The following IL1RAPL1 variants were observed in gnomAD, a reference collection of about 807,000 sequenced individuals.
The protein encoded by IL1RAPL1 is interleukin 1 receptor accessory protein like 1.
A neutral mutation model predicts 48.4 loss-of-function variants in IL1RAPL1; 3 were observed. The observed-to-expected ratio is 0.06, with a 90% confidence interval of 0.03 to 0.16. The LOEUF (loss-of-function observed/expected upper bound fraction) is 0.16, where lower values mean the gene tolerates loss of function less well. IL1RAPL1 is among the 10% of genes least tolerant of loss of function. The probability of loss-of-function intolerance (pLI) is 1.00; values close to 1 mark genes in which losing one functional copy is unlikely to be tolerated. For missense variants in IL1RAPL1, 349 were observed against 530.6 expected (o/e 0.66, Z 3.36); for synonymous variants, 185 against 187.7 (o/e 0.99, Z 0.12).
intron 2 of IL1RAPL1, among the ~76,000 whole-genome samples, chrX:29,010,226 A>G (rs2147394486): frequency 8.9e-6 from 1 of 111,866 alleles, no homozygotes; most frequent in South Asian, 3.7e-4. Context: ...TCCTATTTGA[A>G]TGCCTTTATT....
chrX:29,910,538 AATTT>A (rs1184092426), intron 6 of IL1RAPL1, among the ~76,000 whole-genome samples: 2 of 111,272 alleles, frequency 1.8e-5, no homozygotes, highest in East Asian at 2.8e-4. Flanking sequence ...AGCCTACAAT[AATTT>A]ATTTAGTTCC....
At chrX:29,370,682 A>G (rs1440726658) in intron 3 of IL1RAPL1, among the ~76,000 whole-genome samples, 1 of 110,565 alleles carries the variant, frequency 9.0e-6, no homozygotes, top group Non-Finnish European at 1.9e-5. Context: ...ATCACCTCCT[A>G]CAAATTATTA....
chrX:29,094,094 C>T (rs1375966253), intron 2 of IL1RAPL1, among the ~76,000 whole-genome samples: 1 of 112,065 alleles, frequency 8.9e-6, no homozygotes, highest in Non-Finnish European at 1.9e-5. Context: ...CCACCTCATT[C>T]TCACAGTCTA....
intron 3 of IL1RAPL1, among the ~76,000 whole-genome samples, chrX:29,353,415 T>G (rs1253617801): frequency 1.8e-5 from 2 of 111,827 alleles, no homozygotes; most frequent in Non-Finnish European, 3.8e-5. Context: ...AAAAATCAAT[T>G]AATGAACATT....
intron 2 of IL1RAPL1, among the ~76,000 whole-genome samples, chrX:28,975,787 A>G (rs191529977): frequency 8.9e-6 from 1 of 112,570 alleles, no homozygotes; most frequent in East Asian, 2.8e-4. Flanking sequence ...GCAGGAAGGT[A>G]GAATATACAA....
Position 28,962,185 on chromosome X carries a change from T to G in IL1RAPL1, c.82+172760T>G, listed in dbSNP as rs1044227699. Among the ~76,000 whole-genome samples, 5 of 112,155 alleles carry G rather than the reference T, an allele frequency of 4.5e-5. No homozygotes were observed. The East Asian group carries it at 1.4e-3, about 31-fold the overall frequency. ...TTCTTTGGAAGAAAAATTATCAGAT[T>G]TGATTTTGATAATCTGGTTCTCTAT... On this transcript the variant is annotated intron_variant, in intron 2 of 10. Transcript: ENST00000378993.
intron 5 of IL1RAPL1, among the ~76,000 whole-genome samples, chrX:29,601,837 C>T (rs769802298): frequency 3.6e-5 from 4 of 112,230 alleles, no homozygotes; most frequent in Non-Finnish European, 7.5e-5. Flanking sequence ...AAAGGGACCA[C>T]AAATTTGTGT....
intron 2 of IL1RAPL1, among the ~76,000 whole-genome samples, chrX:29,118,515 A>G (rs1444428370): frequency 8.9e-6 from 1 of 112,028 alleles, no homozygotes; most frequent in Non-Finnish European, 1.9e-5. Context: ...CAAAATGCAA[A>G]GATGCAGAAG....
intron 6 of IL1RAPL1, among the ~76,000 whole-genome samples, chrX:29,902,502 C>A (rs1042128677): frequency 9.0e-6 from 1 of 111,125 alleles, no homozygotes; most frequent in Non-Finnish European, 1.9e-5. Context: ...TGCCTCTCTT[C>A]ATTTGATTAC....
At chrX:29,907,944 ATAAC>A (rs1211885414) in intron 6 of IL1RAPL1, among the ~76,000 whole-genome samples, 1 of 111,710 alleles carries the variant, frequency 9.0e-6, no homozygotes, top group Non-Finnish European at 1.9e-5. Flanking sequence ...ATCATAGACC[ATAAC>A]TAACTACAGA....
At chrX:29,288,071 G>A (rs1366675468) in intron 3 of IL1RAPL1, among the ~76,000 whole-genome samples, 1 of 111,580 alleles carries the variant, frequency 9.0e-6, no homozygotes, top group Non-Finnish European at 1.9e-5. Flanking sequence ...TTACATTTAA[G>A]TCTGTAATTA....
At chrX:29,891,100 C>T (rs1932268293) in intron 6 of IL1RAPL1, among the ~76,000 whole-genome samples, 1 of 111,976 alleles carries the variant, frequency 8.9e-6, no homozygotes, top group Non-Finnish European at 1.9e-5. Context: ...TGCTGCCTCA[C>T]CTCTGGCCTC....
intron 2 of IL1RAPL1, among the ~76,000 whole-genome samples, chrX:28,902,172 CT>C (rs35499387): frequency 4.8e-4 from 49 of 101,751 alleles, no homozygotes; most frequent in African/African-American, 8.6e-4. Flanking sequence ...CTTCCTTATC[CT>C]TTTTTTTTTT....
chrX:28,864,464 A>G (rs1435937466), intron 2 of IL1RAPL1, among the ~76,000 whole-genome samples: 2 of 112,119 alleles, frequency 1.8e-5, no homozygotes, highest in Admixed American at 9.5e-5. Context: ...CTAGAGAAAT[A>G]CTCTCATAAA....
At chrX:29,042,471 ACT>A (rs1266823451) in intron 2 of IL1RAPL1, among the ~76,000 whole-genome samples, 1 of 111,224 alleles carries the variant, frequency 9.0e-6, no homozygotes, top group African/African-American at 3.3e-5. Context: ...TTTGGGGAAG[ACT>A]CTTAAACTCC....
At chrX:29,866,825 T>C (rs1397089035) in intron 6 of IL1RAPL1, among the ~76,000 whole-genome samples, 1 of 109,475 alleles carries the variant, frequency 9.1e-6, no homozygotes, top group Non-Finnish European at 1.9e-5. Context: ...ATTAATATGA[T>C]CATTGCAATA....
intron 3 of IL1RAPL1, among the ~76,000 whole-genome samples, chrX:29,351,133 C>G (rs1408018295): frequency 8.9e-6 from 1 of 111,943 alleles, no homozygotes; most frequent in Non-Finnish European, 1.9e-5. Context: ...CTTGACAAAA[C>G]AGTATTTTTC....
intron 1 of IL1RAPL1, among the ~76,000 whole-genome samples, chrX:28,787,820 G>A (rs1275142429): frequency 9.0e-6 from 1 of 111,712 alleles, no homozygotes; most frequent in Non-Finnish European, 1.9e-5. Flanking sequence ...GAGCTGGATT[G>A]ATCAGTCCTC....
intron 5 of IL1RAPL1, among the ~76,000 whole-genome samples, chrX:29,581,862 A>G (rs904295319): frequency 9.9e-5 from 11 of 111,673 alleles, no homozygotes; most frequent in African/African-American, 3.6e-4. Context: ...TTACTAGATC[A>G]ACTACAGTAA....
Sources: allele counts gnomAD v4.1 joint callset (sites outside exome capture counted in the v4.1 genomes callset), GRCh38; gene constraint gnomAD v4.1.1; transcripts MANE v1.5; gene names NCBI Gene and HGNC (gene_info 2026-07-23, HGNC 2026-07-21).